MMP16: variants seen among roughly 807,000 people sequenced by gnomAD.
The protein encoded by MMP16 is matrix metalloproteinase-16.
A neutral mutation model predicts 67.8 loss-of-function variants in MMP16; 12 were observed. The observed-to-expected ratio is 0.18, with a 90% CI of 0.11 to 0.29. The LOEUF is 0.29. MMP16 is among the 10% of genes least tolerant of loss of function. The pLI, the probability that MMP16 is intolerant of heterozygous loss-of-function variation, is 1.00. For synonymous variants in MMP16, 249 were observed against 255.9 expected (o/e 0.97, Z 0.26); for missense variants, 475 against 765.7 (o/e 0.62, Z 4.48).
At chr8:88,137,896 T>C (rs9297427) in intron 4 of MMP16, among the ~76,000 whole-genome samples, 2,355 of 152,112 alleles carry the variant, frequency 0.015, 57 homozygotes, top group African/African-American at 0.052. Flanking sequence ...ATTGTGCCCA[T>C]TCTTCTATGA....
chr8:88,032,614 T>A lies in MMP16; in HGVS notation c.*8847A>T, dbSNP rs115631237. ...TAAGCACCACAAAATTTTGCCTGAT[T>A]TTATCTGACAGTCATAATACACTTT... On this transcript the variant is annotated 3_prime_UTR_variant, in exon 10 of 10. Transcript: ENST00000286614. 415 of 152,184 alleles carry A rather than the reference T, an allele frequency of 2.7e-3. 3 individuals are homozygous for A. Among genetic ancestry groups the A allele is most frequent in the African/African-American group, 9.5e-3 (394 of 41,530 alleles). 9.4% of individuals were successfully genotyped at this position (152,184 alleles called of 1,614,324 possible).
intron 7 of MMP16, among the ~76,000 whole-genome samples, chr8:88,064,374 T>A (rs547653701): frequency 6.6e-6 from 1 of 152,132 alleles, no homozygotes; most frequent in Non-Finnish European, 1.5e-5. Context: ...AAAACATTTT[T>A]ATAAATAATC....
chr8:88,204,037 T>C (rs554188061), intron 1 of MMP16, among the ~76,000 whole-genome samples: 1 of 152,326 alleles, frequency 6.6e-6, no homozygotes, highest in South Asian at 2.1e-4. Context: ...GTTTCTATCA[T>C]CACATGACAT....
intron 1 of MMP16, among the ~76,000 whole-genome samples, chr8:88,244,024 A>C (rs1311687241): frequency 7.5e-6 from 1 of 133,852 alleles, no homozygotes; most frequent in East Asian, 2.2e-4. Context: ...GGTAACAATA[A>C]TGAAGTTTTT....
At chr8:88,071,776 T>G (rs765916898) in intron 7 of MMP16, among the ~76,000 whole-genome samples, 1 of 152,160 alleles carries the variant, frequency 6.6e-6, no homozygotes, top group Non-Finnish European at 1.5e-5. Context: ...CATAGCCTGC[T>G]TCTGTATGGC....
chr8:88,159,863 G>C (rs550855078), intron 4 of MMP16, among the ~76,000 whole-genome samples: 1 of 151,944 alleles, frequency 6.6e-6, no homozygotes, highest in Non-Finnish European at 1.5e-5. Context: ...TTTTGTCAAA[G>C]GCCTTTTCTG....
intron 1 of MMP16, among the ~76,000 whole-genome samples, chr8:88,303,638 C>A (rs1051982704): frequency 1.3e-5 from 2 of 152,232 alleles, no homozygotes; most frequent in South Asian, 4.1e-4. Flanking sequence ...TGTTTCACAG[C>A]CTTCACTGGT....
At chr8:88,292,393 A>G (rs28986500) in intron 1 of MMP16, among the ~76,000 whole-genome samples, 7,622 of 152,288 alleles carry the variant, frequency 0.05, 192 homozygotes, top group Non-Finnish European at 0.061. Context: ...AGTTCACAGT[A>G]GCCTGATGTC....
intron 6 of MMP16, among the ~76,000 whole-genome samples, chr8:88,079,038 CT>C (rs771202252): frequency 6.6e-6 from 1 of 152,196 alleles, no homozygotes; most frequent in Non-Finnish European, 1.5e-5. Context: ...CCTACTGCAT[CT>C]AGAATGAAAC....
intron 1 of MMP16, among the ~76,000 whole-genome samples, chr8:88,209,766 G>A (rs1423992086): frequency 6.6e-6 from 1 of 152,040 alleles, no homozygotes; most frequent in Non-Finnish European, 1.5e-5. Flanking sequence ...ATTTTCAATG[G>A]TCACCCATGT....
chr8:88,216,359 G>T (rs554065804), intron 1 of MMP16, among the ~76,000 whole-genome samples: 163 of 152,170 alleles, frequency 1.1e-3, no homozygotes, highest in Non-Finnish European at 2.0e-3. Context: ...ATGAAAGAAT[G>T]CTTCAATACC....
At chr8:88,132,848 T>C (rs1397385720) in intron 4 of MMP16, among the ~76,000 whole-genome samples, 1 of 151,944 alleles carries the variant, frequency 6.6e-6, no homozygotes, top group Non-Finnish European at 1.5e-5. Flanking sequence ...CAATAGTGAA[T>C]GCTACCACTT....
At chr8:88,105,058 C>G (rs1040468101) in intron 6 of MMP16, among the ~76,000 whole-genome samples, 2 of 151,434 alleles carry the variant, frequency 1.3e-5, no homozygotes, top group African/African-American at 2.4e-5. Flanking sequence ...TCATCATTTA[C>G]TCACTGATGC....
intron 1 of MMP16, among the ~76,000 whole-genome samples, chr8:88,277,412 T>G (rs1810664973): frequency 6.6e-6 from 1 of 152,180 alleles, no homozygotes; most frequent in African/African-American, 2.4e-5. Flanking sequence ...GCTATCAAGA[T>G]GAAGCTCATC....
At chr8:88,326,328 G>A (rs1286439385) in intron 1 of MMP16, among the ~76,000 whole-genome samples, 1 of 152,146 alleles carries the variant, frequency 6.6e-6, no homozygotes, top group Non-Finnish European at 1.5e-5. Flanking sequence ...TGTGCCGTCT[G>A]TTCCCAAAGC....
chr8:88,060,639 C>T (rs915051241), intron 7 of MMP16, among the ~76,000 whole-genome samples: 2 of 152,034 alleles, frequency 1.3e-5, no homozygotes, highest in South Asian at 2.1e-4. Context: ...ATGATGGGCA[C>T]CTTACATTGC....
At chr8:88,050,457 A>G (rs1204367401) in intron 8 of MMP16, among the ~76,000 whole-genome samples, 2 of 152,240 alleles carry the variant, frequency 1.3e-5, no homozygotes, top group Admixed American at 1.3e-4. Context: ...GTTGCTTTTC[A>G]TGTAGAAATA....
intron 4 of MMP16, among the ~76,000 whole-genome samples, chr8:88,161,688 T>C (rs1808626585): frequency 6.6e-6 from 1 of 152,136 alleles, no homozygotes; most frequent in Non-Finnish European, 1.5e-5. Flanking sequence ...CGTGGGCATG[T>C]AGTGCTATAA....
intron 1 of MMP16, among the ~76,000 whole-genome samples, chr8:88,304,173 T>C (rs545268085): frequency 3.3e-4 from 50 of 152,072 alleles, no homozygotes; most frequent in African/African-American, 1.1e-3. Context: ...AACAGCAGAA[T>C]AGACTAAGTG....
Sources: gnomAD v4.1 joint callset for allele counts (sites outside exome capture counted in the v4.1 genomes callset) on GRCh38, gnomAD v4.1.1 for gene constraint, MANE v1.5 for transcripts, NCBI Gene and HGNC (gene_info 2026-07-23, HGNC 2026-07-21) for gene names.